The following TNRC6A variants were observed in gnomAD, a reference collection of about 807,000 sequenced individuals.
The protein encoded by TNRC6A is trinucleotide repeat-containing gene 6A protein.
A neutral mutation model predicts 221.2 loss-of-function variants in TNRC6A; 44 were observed. The observed-to-expected ratio is 0.20, with a 90% confidence interval of 0.16 to 0.26. TNRC6A has a LOEUF of 0.26. Among genes scored for constraint, TNRC6A ranks in the 10% least tolerant of loss-of-function variants. The pLI is 1.00. For synonymous variants in TNRC6A, 847 were observed against 838.5 expected (o/e 1.01, Z -0.18); for missense variants, 2,199 against 2,404.4 (o/e 0.91, Z 1.79).
chr16:24,806,457 GTGA>G lies in TNRC6A; in HGVS notation c.4330-115_4330-113del. 4 of 1,385,810 alleles carry G rather than the reference GTGA, an allele frequency of 2.9e-6. No homozygotes were observed. In the South Asian group the frequency reaches 5.1e-5, roughly 18 times the overall value. The allele number at this position is 1,385,810 out of a possible 1,614,324, so 85.8% of individuals were successfully genotyped here. On this transcript the variant is annotated intron_variant, in intron 16 of 24. Coordinates refer to ENST00000395799, the MANE Select transcript of TNRC6A (RefSeq NM_014494.4). ...CCATGAGTTATGTGAACATTATACA[GTGA>G]TTATTCACCTTTCTGCTGAGACGAA...
chr16:24,772,114 T>C (rs769396073), intron 4 of TNRC6A, among the ~76,000 whole-genome samples: 8 of 152,192 alleles, frequency 5.3e-5, no homozygotes, highest in Non-Finnish European at 1.0e-4. Flanking sequence ...TCAATTTAGT[T>C]GGGTTTTGTT....
intron 2 of TNRC6A, among the ~76,000 whole-genome samples, chr16:24,687,218 A>G (rs2055644663): frequency 6.6e-6 from 1 of 152,152 alleles, no homozygotes. Context: ...ATAATTAGCT[A>G]CTTATATAAT....
intron 18 of TNRC6A, among the ~76,000 whole-genome samples, chr16:24,812,877 CTT>C (rs71383720): frequency 4.0e-4 from 30 of 75,006 alleles, no homozygotes; most frequent in South Asian, 1.8e-3. Flanking sequence ...ACCTCTTGGG[CTT>C]TTTTTTTTTT....
At chr16:24,622,612 A>G (rs570175382) in intron 1 of TNRC6A, among the ~76,000 whole-genome samples, 1 of 152,194 alleles carries the variant, frequency 6.6e-6, no homozygotes, top group African/African-American at 2.4e-5. Flanking sequence ...AAAAATCATC[A>G]TAATAATTGC....
intron 2 of TNRC6A, among the ~76,000 whole-genome samples, chr16:24,642,835 G>A (rs1201851618): frequency 6.6e-6 from 1 of 151,680 alleles, no homozygotes; most frequent in Non-Finnish European, 1.5e-5. Context: ...TTGAGGCCAG[G>A]TGTTCAAGAC....
chr16:24,800,091 G>A lies in TNRC6A; in HGVS notation c.3694+2125G>A, dbSNP rs547532512. ...CCTGTAGCAGTCTTCATCTTCCAGG[G>A]CAGTGGAGCCATTGTTGCGGTTTTT... is the stretch of plus-strand genomic sequence containing the variant. On this transcript the variant is annotated intron_variant, in intron 11 of 24. Coordinates refer to ENST00000395799, the MANE Select transcript of TNRC6A (RefSeq NM_014494.4). Among the ~76,000 whole-genome samples, 510 of 152,256 alleles carry A rather than the reference G, an allele frequency of 3.3e-3. 13 individuals carry two copies. The highest frequency in any genetic ancestry group is 8.5e-4 in the Non-Finnish European group (58 of 68,016).
intron 2 of TNRC6A, among the ~76,000 whole-genome samples, chr16:24,708,016 G>A (rs1596526456): frequency 6.6e-6 from 1 of 151,750 alleles, no homozygotes. Flanking sequence ...CTGAGATCGT[G>A]CCACTGCACT....
At chr16:24,687,323 A>G (rs2055647211) in intron 2 of TNRC6A, among the ~76,000 whole-genome samples, 1 of 152,152 alleles carries the variant, frequency 6.6e-6, no homozygotes, top group African/African-American at 2.4e-5. Context: ...ACTAAAGCCC[A>G]AGGAGGTGGA....
chr16:24,729,871 C>G (rs1283398176), intron 1 of TNRC6A, 25 bp downstream of exon 1: 4 of 1,270,860 alleles, frequency 3.1e-6, no homozygotes, highest in Non-Finnish European at 4.0e-6. Context: ...GGCCTCCCTC[C>G]GGGCGGGAGG....
chr16:24,818,367 G>A (rs1007392516), intron 20 of TNRC6A, among the ~76,000 whole-genome samples: 1 of 152,180 alleles, frequency 6.6e-6, no homozygotes, highest in African/African-American at 2.4e-5. Flanking sequence ...GACAAAATCA[G>A]AGGGAAAATG....
chr16:24,642,745 G>A (rs897900040), intron 2 of TNRC6A, among the ~76,000 whole-genome samples: 5 of 152,026 alleles, frequency 3.3e-5, no homozygotes, highest in South Asian at 2.1e-4. Flanking sequence ...TCTTGAACCC[G>A]GAAGGTGGAG....
Position 24,815,177 on chromosome 16 carries a change from A to G in TNRC6A, c.4703A>G (p.Glu1568Gly). ...GAISSGFRLE[E>G]SPFVPYDFMN... The stretch of plus-strand genomic sequence containing the variant: ...ATTTCAAGTGGTTTCAGGCTGGAAG[A>G]GTCTCCATTTGTTCCCTATGACTTT... The change falls in exon 19 of 25, where the codon GAG (glutamate) becomes GGG (glycine). Residue 1568 changes from glutamate to glycine, a missense_variant. This residue lies in a region of TNRC6A where 449 missense variants were observed against 579.7 expected (regional missense o/e 0.77). Coordinates refer to ENST00000395799, the MANE Select transcript of TNRC6A (RefSeq NM_014494.4). The G allele has an allele frequency of 6.2e-7, 1 of 1,614,104 alleles. No homozygotes were observed. Among genetic ancestry groups the G allele is most frequent in the Non-Finnish European group, 8.5e-7 (1 of 1,179,936 alleles).
intron 1 of TNRC6A, among the ~76,000 whole-genome samples, chr16:24,611,953 G>A (rs911172078): frequency 2.6e-5 from 4 of 152,054 alleles, no homozygotes; most frequent in African/African-American, 9.7e-5. Flanking sequence ...CAGTAGCCAA[G>A]CATCGTGGTG....
intron 6 of TNRC6A, among the ~76,000 whole-genome samples, chr16:24,792,965 T>A (rs2058141622): frequency 6.6e-6 from 1 of 152,038 alleles, no homozygotes; most frequent in Admixed American, 6.6e-5. Context: ...ATCTTTGTAT[T>A]TTTAGTAGAG....
At chr16:24,714,496 G>A (rs1468800356) in intron 2 of TNRC6A, among the ~76,000 whole-genome samples, 1 of 151,474 alleles carries the variant, frequency 6.6e-6, no homozygotes, top group African/African-American at 2.4e-5. Flanking sequence ...GTAGAGATGG[G>A]GGGTTTCACT....
At chr16:24,660,728 C>CTTTTTTTTTT (rs138458968) in intron 2 of TNRC6A, among the ~76,000 whole-genome samples, 2 of 122,550 alleles carry the variant, frequency 1.6e-5, no homozygotes, top group African/African-American at 3.3e-5. Context: ...TTTCTTTTTT[C>CTTTTTTTTTT]TTTTTTTTTT....
At chr16:24,672,181 G>T (rs1448963984) in intron 2 of TNRC6A, among the ~76,000 whole-genome samples, 1 of 152,204 alleles carries the variant, frequency 6.6e-6, no homozygotes, top group Admixed American at 6.5e-5. Context: ...GAGTGCAGTG[G>T]CGTGATCTCG....
intron 2 of TNRC6A, among the ~76,000 whole-genome samples, chr16:24,733,369 C>A (rs896059880): frequency 1.5e-4 from 23 of 152,164 alleles, no homozygotes; most frequent in Non-Finnish European, 5.9e-5. Flanking sequence ...GTAGCCAGTG[C>A]CAGTTAAACA....
intron 9 of TNRC6A, chr16:24,796,189 A>C (rs548043622): frequency 2.4e-6 from 1 of 409,140 alleles, no homozygotes; most frequent in Non-Finnish European, 4.4e-6. Context: ...GGAAGATAGT[A>C]GCCCAACATA....
Sources: allele counts gnomAD v4.1 joint callset (sites outside exome capture counted in the v4.1 genomes callset), GRCh38; gene constraint gnomAD v4.1.1; regional missense constraint gnomAD v4.1.1; transcripts MANE v1.5; gene names NCBI Gene and HGNC (gene_info 2026-07-23, HGNC 2026-07-21).